Variants in ATE1 observed in about 807,000 individuals in gnomAD.
ATE1 encodes arginyl-tRNA--protein transferase 1.
In ATE1, 36 loss-of-function variants were observed where a neutral mutation model predicts 70.5. The ratio of observed to expected loss-of-function variants is 0.51; its 90% confidence interval spans 0.39 to 0.67. The LOEUF is 0.67. Among genes scored for constraint, ATE1 ranks in the 30% least tolerant of loss-of-function variants. ATE1 has a pLI of 0.00. For missense variants in ATE1, 593 were observed against 629.5 expected (o/e 0.94, Z 0.62); for synonymous variants, 232 against 219.3 (o/e 1.06, Z -0.51).
chr10:121,851,552 T>A (rs991092780), intron 8 of ATE1, among the ~76,000 whole-genome samples: 9 of 152,194 alleles, frequency 5.9e-5, no homozygotes. Context: ...TTGCAGACTA[T>A]AAAAAGTCTA....
chr10:121,898,225 G>A lies in ATE1; in HGVS notation c.942+1641C>T, dbSNP rs77133456. On this transcript the variant is annotated intron_variant, in intron 7 of 11. Transcript: ENST00000224652. Reference sequence around the variant, plus strand: ...TAACAGAAGGTCCCCAACTTATAATGGTTGGACTTATGCTTTTTCAACTTT... The same window carrying A: ...TAACAGAAGGTCCCCAACTTATAATAGTTGGACTTATGCTTTTTCAACTTT... 7.9e-3 allele frequency among the ~76,000 whole-genome samples: 1,196 copies of A among 152,182 alleles called. 18 individuals are homozygous for A. Among genetic ancestry groups the A allele is most frequent in the African/African-American group, 0.028 (1,156 of 41,524 alleles).
chr10:121,887,792 A>T (rs1950451360), intron 7 of ATE1, among the ~76,000 whole-genome samples: 1 of 152,236 alleles, frequency 6.6e-6, no homozygotes, highest in Non-Finnish European at 1.5e-5. Flanking sequence ...CTACAATGCT[A>T]TCAGAAGGAA....
At chr10:121,927,336 T>C (rs1307894276) in intron 1 of ATE1, 1 of 984,812 alleles carries the variant, frequency 1.0e-6, no homozygotes, top group Non-Finnish European at 1.2e-6. Flanking sequence ...CCTTTTTTTT[T>C]TTAACTTTTT....
chr10:121,914,453 T>C (rs555924061), intron 3 of ATE1, among the ~76,000 whole-genome samples: 15 of 150,560 alleles, frequency 1.0e-4, no homozygotes, highest in South Asian at 2.1e-4. Flanking sequence ...AAAACAGATA[T>C]ACAAAGCAAT....
At chr10:121,878,753 G>A (rs1318870948) in intron 7 of ATE1, among the ~76,000 whole-genome samples, 1 of 152,092 alleles carries the variant, frequency 6.6e-6, no homozygotes, top group Admixed American at 6.5e-5. Context: ...ATCAGTGAAA[G>A]CACACAATTT....
intron 10 of ATE1, among the ~76,000 whole-genome samples, chr10:121,800,554 C>T (rs1946836921): frequency 6.6e-6 from 1 of 152,074 alleles, no homozygotes; most frequent in African/African-American, 2.4e-5. Context: ...AGAGGCTAAA[C>T]CAGCAGTCTA....
chr10:121,794,708 A>T (rs1946593815), intron 10 of ATE1, among the ~76,000 whole-genome samples: 1 of 152,008 alleles, frequency 6.6e-6, no homozygotes. Context: ...TCAAAAAACA[A>T]CATAAGACCT....
At chr10:121,756,391 TCTAGGGTCTGGAGGACAGTGACC>T (rs1485052948) in intron 11 of ATE1, among the ~76,000 whole-genome samples, 1 of 152,110 alleles carries the variant, frequency 6.6e-6, no homozygotes, top group Non-Finnish European at 1.5e-5. Flanking sequence ...GATCTGCCAT[TCTAGGGTCTGGAGGACAGTGACC>T]CTCTCTTCTC....
intron 4 of ATE1, among the ~76,000 whole-genome samples, chr10:121,911,442 T>TAAAAAAAAAAAAAAAAAAAAAAAAAAAAA (rs371014661): frequency 7.8e-6 from 1 of 128,340 alleles, no homozygotes. Flanking sequence ...TACAGTAAAT[T>TAAAAAAAAAAAAAAAAAAAAAAAAAAAAA]AAAAAAAAAA....
chr10:121,844,182 C>T (rs1948731657), intron 8 of ATE1, among the ~76,000 whole-genome samples: 1 of 152,222 alleles, frequency 6.6e-6, no homozygotes, highest in African/African-American at 2.4e-5. Context: ...GGAGGATCCT[C>T]TGAGCCCAGG....
At position 121,866,316 on chromosome 10, in the gene ATE1, A is replaced by G. The variant is rs542784544; in HGVS notation, c.975+3690T>C. ...CCCTCAAAATATTTCCCATCAAGAA[A>G]GGAGACTTACATTGGTCATCTTTAA... On this transcript the variant is annotated intron_variant, in intron 8 of 11. Transcript: ENST00000224652. 9.2e-5 allele frequency among the ~76,000 whole-genome samples: 14 copies of G among 152,332 alleles called. No homozygotes were observed. In the South Asian group the frequency reaches 2.9e-3, roughly 32 times the overall value.
intron 7 of ATE1, among the ~76,000 whole-genome samples, chr10:121,873,449 G>T (rs550905729): frequency 2.6e-5 from 4 of 151,926 alleles, no homozygotes; most frequent in African/African-American, 7.2e-5. Flanking sequence ...ATTCATCATC[G>T]GTAGCCTGAC....
intron 5 of ATE1, among the ~76,000 whole-genome samples, chr10:121,905,719 C>T (rs1475723964): frequency 1.3e-5 from 2 of 152,062 alleles, no homozygotes; most frequent in Admixed American, 1.3e-4. Context: ...TCGGCGTGCA[C>T]CTGTAGTCCC....
intron 8 of ATE1, among the ~76,000 whole-genome samples, chr10:121,843,155 G>C (rs1255304009): frequency 1.3e-5 from 2 of 152,072 alleles, no homozygotes; most frequent in Non-Finnish European, 2.9e-5. Context: ...ATATACAAAA[G>C]TCAGGTGCTT....
intron 10 of ATE1, among the ~76,000 whole-genome samples, chr10:121,790,627 G>A (rs1946394852): frequency 6.6e-6 from 1 of 152,080 alleles, no homozygotes; most frequent in Non-Finnish European, 1.5e-5. Flanking sequence ...TCAAATACTA[G>A]TTAATTAACA....
chr10:121,927,813 C>T (rs1238777990), intron 1 of ATE1, 31 bp downstream of exon 1: 5 of 1,536,900 alleles, frequency 3.3e-6, no homozygotes, highest in Non-Finnish European at 4.4e-6. Context: ...GGGCGCCCGG[C>T]TTCCCACGCC....
intron 10 of ATE1, among the ~76,000 whole-genome samples, chr10:121,828,528 A>G (rs11200181): frequency 0.16 from 24,943 of 152,128 alleles, 2,091 homozygotes; most frequent in East Asian, 0.19. Flanking sequence ...TATGATGGCT[A>G]GCTCCAAAGA....
intron 11 of ATE1, among the ~76,000 whole-genome samples, chr10:121,782,944 C>G (rs970515285): frequency 4.6e-5 from 7 of 152,290 alleles, no homozygotes; most frequent in Middle Eastern, 3.4e-3. Context: ...TGCTCCTCAG[C>G]CTGCAGACGG....
intron 3 of ATE1, among the ~76,000 whole-genome samples, chr10:121,916,176 G>A (rs1482292208): frequency 4.2e-4 from 60 of 143,390 alleles, no homozygotes; most frequent in Middle Eastern, 8.8e-3. Flanking sequence ...GCAGTGAGCA[G>A]AGATCACACC....
Sources: gnomAD v4.1 joint callset for allele counts (sites outside exome capture counted in the v4.1 genomes callset) on GRCh38, gnomAD v4.1.1 for gene constraint, MANE v1.5 for transcripts, NCBI Gene and HGNC (gene_info 2026-07-23, HGNC 2026-07-21) for gene names.